IMMP2L: variants seen among roughly 807,000 people sequenced by gnomAD.
IMMP2L encodes the protein inner mitochondrial membrane peptidase subunit 2.
Under a neutral mutation model 19.3 loss-of-function variants are expected in IMMP2L, and 18 were observed. The observed-to-expected ratio is 0.93, with a 90% confidence interval of 0.64 to 1.38. IMMP2L has a LOEUF of 1.38. Among genes scored for constraint, IMMP2L ranks in the 40% most tolerant of loss-of-function variants. The pLI is 0.00. For synonymous variants in IMMP2L, 76 were observed against 73.0 expected, an observed-to-expected ratio of 1.04 and a Z score of -0.21; for missense variants, 233 against 218.2, an observed-to-expected ratio of 1.07 and a Z score of -0.43.
chr7:110,985,510 C>T (rs1025480496), intron 3 of IMMP2L, among the ~76,000 whole-genome samples: 3 of 152,068 alleles, frequency 2.0e-5, no homozygotes, highest in Admixed American at 6.6e-5. Context: ...TGCAGAGTTT[C>T]ACTATTCAAG....
At chr7:111,013,302 G>A (rs1825169853) in intron 3 of IMMP2L, among the ~76,000 whole-genome samples, 1 of 152,120 alleles carries the variant, frequency 6.6e-6, no homozygotes. Flanking sequence ...TTATAAATAT[G>A]TTTCTGACTG....
intron 3 of IMMP2L, among the ~76,000 whole-genome samples, chr7:111,398,000 T>A (rs1182177105): frequency 6.6e-6 from 1 of 152,190 alleles, no homozygotes; most frequent in African/African-American, 2.4e-5. Context: ...ACATTTAATA[T>A]TATTTCTATA....
intron 3 of IMMP2L, among the ~76,000 whole-genome samples, chr7:111,348,128 G>A (rs1827756118): frequency 8.5e-6 from 1 of 118,302 alleles, no homozygotes; most frequent in Non-Finnish European, 1.7e-5. Context: ...TCACACACTG[G>A]AGCCTGTCGT....
At chr7:111,114,516 T>C (rs1464253177) in intron 3 of IMMP2L, among the ~76,000 whole-genome samples, 1 of 152,030 alleles carries the variant, frequency 6.6e-6, no homozygotes, top group Non-Finnish European at 1.5e-5. Flanking sequence ...GGAGGGCAGA[T>C]CATTAGGTCA....
In IMMP2L at chr7:110,987,513, C is replaced by T. The variant is rs561014427; in HGVS notation, c.240-23948G>A. Reference sequence around the variant, plus strand: ...TTCTGGGATAGCATTTCCCAAACTGCGTTCCAGGGAACACTAGTTTTAGGA... The same window carrying T: ...TTCTGGGATAGCATTTCCCAAACTGTGTTCCAGGGAACACTAGTTTTAGGA... On this transcript the variant is annotated intron_variant, in intron 3 of 5. Transcript: ENST00000405709. Among the ~76,000 whole-genome samples, 3 of 152,262 alleles carry T rather than the reference C, an allele frequency of 2.0e-5. No homozygotes were observed. The East Asian group carries it at 5.8e-4, about 29-fold the overall frequency.
At chr7:110,911,575 A>C (rs556879753) in intron 4 of IMMP2L, among the ~76,000 whole-genome samples, 1 of 152,276 alleles carries the variant, frequency 6.6e-6, no homozygotes, top group South Asian at 2.1e-4. Context: ...AACTCCTAAT[A>C]ATCCAAGTTG....
intron 5 of IMMP2L, among the ~76,000 whole-genome samples, chr7:110,841,840 G>A (rs1397648927): frequency 2.0e-5 from 3 of 152,140 alleles, no homozygotes; most frequent in Non-Finnish European, 4.4e-5. Flanking sequence ...AAGAATTGAT[G>A]TAAAATTCAA....
chr7:110,690,855 T>A (rs918395836), intron 5 of IMMP2L, among the ~76,000 whole-genome samples: 1 of 152,070 alleles, frequency 6.6e-6, no homozygotes, highest in African/African-American at 2.4e-5. Flanking sequence ...TTCATGCTCA[T>A]GGATTGGAAG....
intron 4 of IMMP2L, among the ~76,000 whole-genome samples, chr7:110,907,419 A>G (rs983278961): frequency 2.0e-5 from 3 of 152,100 alleles, no homozygotes; most frequent in Non-Finnish European, 2.9e-5. Flanking sequence ...CTTCTCTTCA[A>G]TGGTCAAACT....
intron 4 of IMMP2L, among the ~76,000 whole-genome samples, chr7:110,915,097 C>G (rs953498319): frequency 2.6e-5 from 4 of 152,110 alleles, no homozygotes; most frequent in Admixed American, 2.6e-4. Context: ...GGGTATATAT[C>G]CAAAGGAAAT....
chr7:111,139,097 T>C (rs1227432743), intron 3 of IMMP2L, among the ~76,000 whole-genome samples: 1 of 152,124 alleles, frequency 6.6e-6, no homozygotes, highest in Non-Finnish European at 1.5e-5. Flanking sequence ...GTGATATCCA[T>C]TTGATATCTA....
intron 3 of IMMP2L, among the ~76,000 whole-genome samples, chr7:111,196,443 T>C (rs1586781800): frequency 6.6e-6 from 1 of 152,308 alleles, no homozygotes; most frequent in East Asian, 1.9e-4. Flanking sequence ...AATGTGGTAT[T>C]TTCTCTAAAG....
rs536181018 is a variant in IMMP2L, at chr7:110,944,220, C to T, written c.305+19280G>A. Among the ~76,000 whole-genome samples, 14 of 151,998 alleles carry T rather than the reference C, an allele frequency of 9.2e-5. 1 individual carries two copies. The East Asian group carries it at 2.7e-3, about 30-fold the overall frequency. On this transcript the variant is annotated intron_variant, in intron 4 of 5. Transcript: ENST00000405709. ...CAGGGAGCTCACAGATAGAGAAACA[C>T]ATGTACTACTCGTTCTAATATAATC...
At chr7:111,167,450 G>A (rs1333345813) in intron 3 of IMMP2L, among the ~76,000 whole-genome samples, 2 of 151,896 alleles carry the variant, frequency 1.3e-5, no homozygotes, top group South Asian at 2.1e-4. Flanking sequence ...TGGTTTACCT[G>A]ATTTTTCAGC....
intron 3 of IMMP2L, among the ~76,000 whole-genome samples, chr7:111,019,332 T>C (rs1260610494): frequency 6.6e-6 from 1 of 152,162 alleles, no homozygotes; most frequent in South Asian, 2.1e-4. Flanking sequence ...TCTGTATCCT[T>C]GCTGTGCTTG....
intron 3 of IMMP2L, among the ~76,000 whole-genome samples, chr7:111,081,961 A>T (rs1795921826): frequency 6.6e-6 from 1 of 152,202 alleles, no homozygotes; most frequent in Non-Finnish European, 1.5e-5. Flanking sequence ...TCTTTGCTGT[A>T]GGTTGGCAGA....
intron 5 of IMMP2L, among the ~76,000 whole-genome samples, chr7:110,666,627 C>G (rs564166008): frequency 2.6e-5 from 4 of 152,022 alleles, no homozygotes; most frequent in African/African-American, 9.6e-5. Context: ...CCTGGGGTGT[C>G]AATATTCTAT....
intron 3 of IMMP2L, among the ~76,000 whole-genome samples, chr7:111,258,435 T>A (rs1816959387): frequency 6.6e-6 from 1 of 152,172 alleles, no homozygotes; most frequent in South Asian, 2.1e-4. Context: ...TTATATATCT[T>A]CTACACGATG....
At chr7:111,296,357 A>G (rs1459372388) in intron 3 of IMMP2L, among the ~76,000 whole-genome samples, 1 of 151,952 alleles carries the variant, frequency 6.6e-6, no homozygotes, top group African/African-American at 2.4e-5. Context: ...TTAAAAACTG[A>G]TAATACTAGA....
Sources: gnomAD v4.1 joint callset for allele counts (sites outside exome capture counted in the v4.1 genomes callset) on GRCh38, gnomAD v4.1.1 for gene constraint, MANE v1.5 for transcripts, NCBI Gene and HGNC (gene_info 2026-07-23, HGNC 2026-07-21) for gene names.